Variants in CDH19 observed in about 807,000 individuals in gnomAD.
CDH19 encodes the protein cadherin-19.
A neutral mutation model predicts 64.2 loss-of-function variants in CDH19; 67 were observed. That is an observed-to-expected ratio of 1.04 (90% CI 0.86 to 1.28). The LOEUF (loss-of-function observed/expected upper bound fraction) is 1.28. Ranked by LOEUF, CDH19 falls within the 50% of genes most tolerant of loss-of-function variation. The probability of loss-of-function intolerance (pLI) is 0.00; values close to 1 mark genes in which losing one functional copy is unlikely to be tolerated. For missense variants in CDH19, 1,030 were observed against 929.0 expected, an observed-to-expected ratio of 1.11 and a Z score of -1.41; for synonymous variants, 346 against 319.3, an observed-to-expected ratio of 1.08 and a Z score of -0.89.
intron 3 of CDH19, among the ~76,000 whole-genome samples, chr18:66,556,455 T>C (rs571372069): frequency 6.6e-6 from 1 of 151,914 alleles, no homozygotes; most frequent in African/African-American, 2.4e-5. Context: ...CGACACATTA[T>C]TTTATTCTCT....
intron 9 of CDH19, among the ~76,000 whole-genome samples, chr18:66,512,124 A>G (rs908779693): frequency 2.6e-5 from 4 of 151,648 alleles, no homozygotes; most frequent in African/African-American, 9.7e-5. Flanking sequence ...CTGGCTTACT[A>G]AACTATTTGC....
chr18:66,597,420 C>T (rs1417459949), intron 1 of CDH19, among the ~76,000 whole-genome samples: 4 of 152,044 alleles, frequency 2.6e-5, no homozygotes, highest in Admixed American at 1.3e-4. Flanking sequence ...AAGATTTAAA[C>T]TGGACCCCTT....
In CDH19 at chr18:66,544,875, A is replaced by G; in HGVS notation, c.804T>C (p.Ser268=). The G allele has an allele frequency of 6.2e-7, 1 of 1,610,340 alleles. No homozygotes were observed. Among genetic ancestry groups the G allele is most frequent in the Non-Finnish European group, 8.5e-7 (1 of 1,178,556 alleles). ...ESLYRLTVSE[S]APTGTSIGTI... is the part of the protein sequence containing the mutation. ...TTCCTATAGAAGTCCCAGTGGGTGC[A>G]GATTCAGAGACAGTCAAGCGGTATA... Residue 268 remains serine, a synonymous_variant, in exon 6 of 12, where the codon TCT becomes TCC. Coordinates refer to ENST00000262150, the MANE Select transcript of CDH19 (RefSeq NM_021153.4).
At chr18:66,550,150 G>A (rs989329484) in intron 5 of CDH19, among the ~76,000 whole-genome samples, 56 of 151,884 alleles carry the variant, frequency 3.7e-4, no homozygotes, top group African/African-American at 1.4e-3. Context: ...AATTACTTAT[G>A]CTTTCTGGAA....
At chr18:66,534,720 G>C (rs1986590575) in intron 8 of CDH19, among the ~76,000 whole-genome samples, 1 of 151,730 alleles carries the variant, frequency 6.6e-6, no homozygotes, top group African/African-American at 2.4e-5. Flanking sequence ...AATTTCAGGT[G>C]AATTTCATTT....
At chr18:66,567,640 A>G (rs1987957870) in intron 3 of CDH19, among the ~76,000 whole-genome samples, 1 of 151,912 alleles carries the variant, frequency 6.6e-6, no homozygotes, top group African/African-American at 2.4e-5. Flanking sequence ...GTAATGAGGT[A>G]AAGTAGTTAT....
chr18:66,566,849 T>C (rs997390075), intron 3 of CDH19, among the ~76,000 whole-genome samples: 2 of 151,932 alleles, frequency 1.3e-5, no homozygotes, highest in African/African-American at 4.8e-5. Flanking sequence ...AGCTACGTTC[T>C]CTGCCAAAGG....
At chr18:66,566,556 T>C (rs1987918582) in intron 3 of CDH19, among the ~76,000 whole-genome samples, 1 of 151,920 alleles carries the variant, frequency 6.6e-6, no homozygotes, top group South Asian at 2.1e-4. Flanking sequence ...CTTCCTTTTA[T>C]GCCATACAAT....
At chr18:66,517,500 C>A (rs1387412293) in intron 9 of CDH19, among the ~76,000 whole-genome samples, 1 of 151,984 alleles carries the variant, frequency 6.6e-6, no homozygotes, top group Non-Finnish European at 1.5e-5. Context: ...GCTGAAAATT[C>A]TCTCCTACTC....
At chr18:66,537,800 T>A (rs1986732350) in intron 7 of CDH19, among the ~76,000 whole-genome samples, 1 of 152,012 alleles carries the variant, frequency 6.6e-6, no homozygotes, top group South Asian at 2.1e-4. Context: ...CATTGCTTCT[T>A]GAGTTTCATT....
chr18:66,510,143 G>A (rs1568170771), intron 10 of CDH19, among the ~76,000 whole-genome samples: 1 of 151,516 alleles, frequency 6.6e-6, no homozygotes, highest in Non-Finnish European at 1.5e-5. Flanking sequence ...AATTTTAGAA[G>A]ACAATAGCAG....
At chr18:66,530,950 T>C (rs1488384554) in intron 8 of CDH19, among the ~76,000 whole-genome samples, 3 of 152,072 alleles carry the variant, frequency 2.0e-5, no homozygotes, top group African/African-American at 7.2e-5. Flanking sequence ...TGGCCTGTAG[T>C]GGAGACACGC....
chr18:66,539,564 G>A (rs945398342), intron 7 of CDH19, among the ~76,000 whole-genome samples: 1 of 151,886 alleles, frequency 6.6e-6, no homozygotes, highest in Non-Finnish European at 1.5e-5. Context: ...TCAATATGGT[G>A]GTTTATATGA....
intron 1 of CDH19, among the ~76,000 whole-genome samples, chr18:66,598,947 A>G (rs1187393521): frequency 6.6e-6 from 1 of 152,164 alleles, no homozygotes; most frequent in Non-Finnish European, 1.5e-5. Flanking sequence ...TTATTTTGAT[A>G]CAAAATATTT....
In CDH19 at chr18:66,530,681, A is replaced by C. The variant is rs141857974; in HGVS notation, c.1337-715T>G. Among the ~76,000 whole-genome samples, 853 of 152,198 alleles carry C rather than the reference A, an allele frequency of 5.6e-3. 12 individuals carry two copies. The highest frequency in any genetic ancestry group is 0.019 in the African/African-American group (796 of 41,518). On this transcript the variant is annotated intron_variant, in intron 8 of 11. Coordinates refer to ENST00000262150, the MANE Select transcript of CDH19 (RefSeq NM_021153.4). The stretch of plus-strand genomic sequence containing the variant: ...AAAAGACATTTCAGAAAAAAGTATG[A>C]AGTAGGAATTCACAGGAGAGAAAAT...
rs145248366 is a variant in CDH19 at position 66,562,611 on chromosome 18, C to A, written c.490+5805G>T. ...TTGGGAACCCCTGACATAGGTGACA[C>A]AGGATGTACACTTGTACCACGTGCT... On this transcript the variant is annotated intron_variant, in intron 3 of 11. Transcript: ENST00000262150. Among the ~76,000 whole-genome samples the A allele has an allele frequency of 2.6e-5, 4 of 152,132 alleles. No individual in the cohort carries two copies. The East Asian group carries it at 7.8e-4, about 30-fold the overall frequency.
chr18:66,602,031 T>A (rs746853335), intron 1 of CDH19, among the ~76,000 whole-genome samples: 4 of 151,938 alleles, frequency 2.6e-5, no homozygotes, highest in Non-Finnish European at 5.9e-5. Context: ...AAAGCAAAGA[T>A]ACAGGTGATA....
intron 1 of CDH19, among the ~76,000 whole-genome samples, chr18:66,587,765 C>G (rs144879647): frequency 1.3e-3 from 196 of 152,172 alleles, no homozygotes; most frequent in African/African-American, 4.5e-3. Context: ...ACACTTCCCC[C>G]ACTAACTTCC....
At chr18:66,559,535 TAAAAC>T (rs1473543651) in intron 3 of CDH19, among the ~76,000 whole-genome samples, 7 of 151,586 alleles carry the variant, frequency 4.6e-5, no homozygotes, top group African/African-American at 1.7e-4. Flanking sequence ...AAAGAATAAA[TAAAAC>T]TAAATAATTA....
Sources: allele counts gnomAD v4.1 joint callset (sites outside exome capture counted in the v4.1 genomes callset), GRCh38; gene constraint gnomAD v4.1.1; transcripts MANE v1.5; gene names NCBI Gene and HGNC (gene_info 2026-07-23, HGNC 2026-07-21).